Variants in APC observed in about 807,000 individuals in gnomAD.
The protein encoded by APC is APC regulator of Wnt signaling pathway.
In APC, 72 loss-of-function variants were observed where a neutral mutation model predicts 247.0. The ratio of observed to expected loss-of-function variants is 0.29; its 90% CI spans 0.24 to 0.35. The LOEUF is 0.35. Ranked by LOEUF, APC falls within the 10% of genes least tolerant of loss-of-function variation. The pLI is 1.00. For missense variants in APC, 3,400 were observed against 3,360.7 expected (o/e 1.01, Z -0.29); for synonymous variants, 1,254 against 1,162.5 (o/e 1.08, Z -1.60).
intron 1 of APC, among the ~76,000 whole-genome samples, chr5:112,725,671 G>A (rs1751735021): frequency 6.6e-6 from 1 of 152,008 alleles, no homozygotes; most frequent in South Asian, 2.1e-4. Flanking sequence ...TGAGTTGGGA[G>A]GATCACCTGA....
rs758069998 is a variant in APC, at chr5:112,801,358, A to T, written c.809A>T (p.Asn270Ile). 6.2e-7 allele frequency: 1 copy of T among 1,611,892 alleles called. No individual in the cohort carries two copies. Among genetic ancestry groups the T allele is most frequent in the Admixed American group, 1.7e-5 (1 of 59,950 alleles). ...GAAGGTCAAGGAGTGGGAGAAATCA[A>T]CATGGCAACTTCTGGTAATGGTCAG... ...QNEGQGVGEI[N>I]MATSGNGQGS... The change falls in exon 8 of 16, where the codon AAC becomes ATC. Residue 270 changes from asparagine (N) to isoleucine (I), a missense_variant. Asn to Ile is a moderately radical substitution (Grantham distance 149). Around this residue, in one of 9 missense-constraint regions of APC, gnomAD observed 372 missense variants for 367.6 expected, o/e 1.01. Transcript: ENST00000257430.
intron 1 of APC, among the ~76,000 whole-genome samples, chr5:112,726,766 G>A (rs537344119): frequency 6.6e-6 from 1 of 152,178 alleles, no homozygotes; most frequent in African/African-American, 2.4e-5. Context: ...CTTTCTGCTT[G>A]TATAAAAGGT....
In APC at chr5:112,818,025, T is replaced by C. The variant is rs77853679; in HGVS notation, c.934-941T>C. ...GGCTGGATAATTCTTTGTTGCATTC[T>C]AGAATGTATAGTAACGTCCCTGGTC... is the stretch of plus-strand genomic sequence containing the variant. On this transcript the variant is annotated intron_variant, in intron 9 of 15. Coordinates refer to ENST00000257430, the MANE Select transcript of APC (RefSeq NM_000038.6). Among the ~76,000 whole-genome samples the C allele has an allele frequency of 4.9e-3, 746 of 152,346 alleles. 9 individuals are homozygous for C. The highest frequency in any genetic ancestry group is 0.017 in the African/African-American group (723 of 41,566).
chr5:112,729,355 TAG>T (rs1324267931), intron 1 of APC, among the ~76,000 whole-genome samples: 2 of 152,166 alleles, frequency 1.3e-5, no homozygotes, highest in African/African-American at 4.8e-5. Flanking sequence ...CATCATGTGG[TAG>T]AAAGTGTGAG....
intron 1 of APC, among the ~76,000 whole-genome samples, chr5:112,751,810 A>G (rs1581111523): frequency 1.3e-5 from 2 of 152,024 alleles, no homozygotes; most frequent in African/African-American, 2.4e-5. Context: ...TATGACTAAT[A>G]GAATGGTACC....
At chr5:112,770,615 A>G (rs989120188) in intron 4 of APC, among the ~76,000 whole-genome samples, 3 of 152,106 alleles carry the variant, frequency 2.0e-5, no homozygotes, top group Non-Finnish European at 2.9e-5. Flanking sequence ...TAGTATCACT[A>G]GTTTAGCTTT....
At chr5:112,784,829 TATATTA>T (rs1474326337) in intron 6 of APC, among the ~76,000 whole-genome samples, 2 of 152,156 alleles carry the variant, frequency 1.3e-5, no homozygotes, top group African/African-American at 4.8e-5. Context: ...AAGCAAACCT[TATATTA>T]AGAAAATAGT....
intron 9 of APC, among the ~76,000 whole-genome samples, chr5:112,818,123 A>G (rs1762693650): frequency 2.0e-5 from 3 of 152,242 alleles, no homozygotes; most frequent in African/African-American, 7.2e-5. Context: ...AGATGTTGTC[A>G]AATGTGTCCC....
Position 112,842,702 on chromosome 5 carries a change from G to C in APC, c.7108G>C (p.Gly2370Arg), listed in dbSNP as rs1580678618. 1 of 1,613,346 alleles carries C rather than the reference G, an allele frequency of 6.2e-7. No individual in the cohort carries two copies. Among genetic ancestry groups the C allele is most frequent in the African/African-American group, 1.3e-5 (1 of 74,880 alleles). Residue 2370 changes from glycine (G) to arginine (R), a missense_variant, in exon 16 of 16, where the codon GGT becomes CGT. By Grantham distance (125) the Gly-to-Arg change is moderately radical (BLOSUM62 -2). Around this residue, in one of 9 missense-constraint regions of APC, gnomAD observed 1,788 missense variants for 1,649.5 expected, o/e 1.08. Transcript: ENST00000257430. The stretch of plus-strand genomic sequence containing the variant: ...TGGAAAAATGTCATATACATCTCCA[G>C]GTAGACAGATGAGCCAACAGAACCT... ...GSGKMSYTSP[G>R]RQMSQQNLTK... is the part of the protein sequence containing the mutation.
rs1766189212 is a variant in APC, at chr5:112,841,930, A to G, written c.6336A>G (p.Val2112=). ...KAIQEGANSI[V]SSLHQAAAAA... is the part of the protein sequence containing the mutation. Reference sequence around the variant, plus strand: ...TTCAGGAAGGTGCAAATTCCATAGTAAGTAGTTTACATCAAGCTGCTGCTG... The same window carrying G: ...TTCAGGAAGGTGCAAATTCCATAGTGAGTAGTTTACATCAAGCTGCTGCTG... The change falls in exon 16 of 16, where the codon GTA becomes GTG. Residue 2112 remains valine (V), a synonymous_variant. Coordinates refer to ENST00000257430, the MANE Select transcript of APC (RefSeq NM_000038.6). The surrounding 1 kb of genome is among the most constrained non-coding windows in gnomAD (Gnocchi z 4.6). The G allele has an allele frequency of 6.2e-7, 1 of 1,613,972 alleles. No individual in the cohort carries two copies. Among genetic ancestry groups the G allele is most frequent in the South Asian group, 1.1e-5 (1 of 91,086 alleles).
chr5:112,714,720 A>G (rs1417017301), intron 1 of APC, among the ~76,000 whole-genome samples: 2 of 152,176 alleles, frequency 1.3e-5, no homozygotes, highest in African/African-American at 4.8e-5. Flanking sequence ...CTTTCCCTAA[A>G]CATCTATCCC....
intron 1 of APC, among the ~76,000 whole-genome samples, chr5:112,731,934 G>A (rs188751733): frequency 2.6e-5 from 4 of 152,176 alleles, no homozygotes; most frequent in African/African-American, 9.6e-5. Flanking sequence ...GCTAAGTTTT[G>A]TATTTTTAGT....
Position 112,748,205 on chromosome 5 carries a change from A to T in APC, c.-18-6668A>T, listed in dbSNP as rs561674511. 1.5e-3 allele frequency among the ~76,000 whole-genome samples: 224 copies of T among 152,312 alleles called. 1 individual carries two copies. The highest frequency in any genetic ancestry group is 5.1e-3 in the African/African-American group (214 of 41,572). ...TGTTATGTAGCTATTTACAGAATGT[A>T]AGCAAAGGAAAGTGTGGGGAAAGAA... On this transcript the variant is annotated intron_variant, in intron 1 of 15. Transcript: ENST00000257430.
At position 112,707,817 on chromosome 5, in the gene APC, G is replaced by A. The variant is rs1232734822; in HGVS notation, c.100G>A (p.Val34Ile). The change falls in exon 1 of 14, where the codon GTC becomes ATC. Residue 34 changes from valine to isoleucine, a missense_variant. Transcript: ENST00000507379. ...GAGCACCGGCGGCAGCAGGAGCTGC[G>A]TCCGGCAGGAGACGAAGAGCCCGGG... The A allele has an allele frequency of 2.2e-6, 3 of 1,370,614 alleles. No individual in the cohort carries two copies. The highest frequency in any genetic ancestry group is 6.8e-5 in the East Asian group (2 of 29,412). 84.9% of individuals were successfully genotyped at this position (1,370,614 alleles called of 1,614,324 possible). A position where few individuals can be genotyped will look rare whatever the true frequency, so the allele number is the denominator to read the frequency against.
At chr5:112,790,236 G>C (rs1759420378) in intron 6 of APC, among the ~76,000 whole-genome samples, 1 of 152,008 alleles carries the variant, frequency 6.6e-6, no homozygotes, top group Admixed American at 6.6e-5. Flanking sequence ...TTGTTAAAAA[G>C]AAAGAAAAGA....
chr5:112,841,173 A>T lies in APC; in HGVS notation c.5579A>T (p.Asp1860Val), dbSNP rs1765983464. 6.2e-7 allele frequency: 1 copy of T among 1,613,982 alleles called. No individual in the cohort carries two copies. The highest frequency in any genetic ancestry group is 2.2e-5 in the East Asian group (1 of 44,868). ...EGTPYCFSRN[D>V]SLSSLDFDDD... ...ACTCCTTACTGTTTTTCACGAAATG[A>T]TTCTTTGAGTTCTCTAGATTTTGAT... Residue 1860 changes from aspartate to valine, a missense_variant, in exon 16 of 16, where the codon GAT becomes GTT. Coordinates refer to ENST00000257430, the MANE Select transcript of APC (RefSeq NM_000038.6). This position sits in a 1 kb window ranked among gnomAD's most constrained non-coding sequence, Gnocchi z 4.6.
chr5:112,825,223 A>G (rs894531581), intron 11 of APC, among the ~76,000 whole-genome samples: 1 of 152,130 alleles, frequency 6.6e-6, no homozygotes, highest in Admixed American at 6.6e-5. Context: ...ATCTTATGTC[A>G]TCACTCTTCT....
At position 112,767,300 on chromosome 5, in the gene APC, G is replaced by A. The variant is rs786202322; in HGVS notation, c.332G>A (p.Ser111Asn). Residue 111 changes from serine (S) to asparagine (N), a missense_variant, in exon 4 of 16, where the codon AGT becomes AAT. By Grantham distance (46) the Ser-to-Asn change is conservative (BLOSUM62 1). Coordinates refer to ENST00000257430, the MANE Select transcript of APC (RefSeq NM_000038.6). Reference protein sequence around the residue: ...GSVSSRSGECSPVPMGSFPRR... With the variant: ...GSVSSRSGECNPVPMGSFPRR... ...GTATCAAGCCGTTCTGGAGAGTGCA[G>A]TCCTGTTCCTATGGGTTCATTTCCA... 1.1e-5 allele frequency: 18 copies of A among 1,614,034 alleles called. No individual in the cohort carries two copies. The highest frequency in any genetic ancestry group is 1.4e-5 in the Non-Finnish European group (17 of 1,180,012).
chr5:112,731,123 G>A (rs1229841938), intron 1 of APC, among the ~76,000 whole-genome samples: 2 of 151,670 alleles, frequency 1.3e-5, no homozygotes, highest in Non-Finnish European at 2.9e-5. Context: ...TGTGCCAAAA[G>A]TATAATTAAC....
Sources: gnomAD v4.1 joint callset for allele counts (sites outside exome capture counted in the v4.1 genomes callset) on GRCh38, gnomAD v4.1.1 for gene constraint, gnomAD v4.1.1 regional missense constraint, Gnocchi (gnomAD v3.1) non-coding constraint, MANE v1.5 for transcripts, NCBI Gene and HGNC (gene_info 2026-07-23, HGNC 2026-07-21) for gene names.